PCDHA8: variants seen among roughly 807,000 people sequenced by gnomAD.
The protein encoded by PCDHA8 is protocadherin alpha 8.
A neutral mutation model predicts 61.8 loss-of-function variants in PCDHA8; 53 were observed. That is an observed-to-expected ratio of 0.86 (90% CI 0.69 to 1.08). PCDHA8 has a LOEUF of 1.08. Among genes scored for constraint, PCDHA8 ranks in the 50% least tolerant of loss-of-function variants. The pLI is 0.00. For missense variants in PCDHA8, 1,293 were observed against 1,245.0 expected, an observed-to-expected ratio of 1.04 and a Z score of -0.58; for synonymous variants, 618 against 556.6, an observed-to-expected ratio of 1.11 and a Z score of -1.55.
chr5:140,920,133 C>A (rs1463322279), intron 1 of PCDHA8, among the ~76,000 whole-genome samples: 7 of 152,178 alleles, frequency 4.6e-5, no homozygotes, highest in African/African-American at 1.4e-4. Flanking sequence ...AGTTTTAATT[C>A]TCCTCTCCAA....
chr5:141,009,942 C>T lies in PCDHA8; in HGVS notation c.*5C>T, dbSNP rs782819309. The T allele has an allele frequency of 6.3e-7, 1 of 1,597,438 alleles. No individual in the cohort carries two copies. The highest frequency in any genetic ancestry group is 1.1e-5 in the South Asian group (1 of 87,840). ...ACTGACAACAGTGACCAGTGAGGTCCTCAAATGGAAACAAGCCACTTAGCC... is the reference window on the plus strand; with the variant it reads ...ACTGACAACAGTGACCAGTGAGGTCTTCAAATGGAAACAAGCCACTTAGCC... On this transcript the variant is annotated 3_prime_UTR_variant, in exon 4 of 4. Coordinates refer to ENST00000531613, the MANE Select transcript of PCDHA8 (RefSeq NM_018911.3).
At chr5:140,968,626 T>C in intron 1 of PCDHA8, 1 of 1,614,156 alleles carries the variant, frequency 6.2e-7, no homozygotes. Context: ...ATGCTTGGCT[T>C]TTTTACCATC....
At chr5:140,984,783 G>A (rs2097120793) in intron 3 of PCDHA8, among the ~76,000 whole-genome samples, 1 of 152,152 alleles carries the variant, frequency 6.6e-6, no homozygotes, top group African/African-American at 2.4e-5. Flanking sequence ...CTTGCTGGGT[G>A]AGCATAGACA....
intron 1 of PCDHA8, chr5:140,869,653 A>G: frequency 6.2e-7 from 1 of 1,613,586 alleles, no homozygotes. Flanking sequence ...AGATTCACCA[A>G]CAAATGGTAA....
chr5:140,969,385 C>T, intron 1 of PCDHA8: 1 of 1,598,120 alleles, frequency 6.3e-7, no homozygotes, highest in Non-Finnish European at 8.5e-7. Flanking sequence ...TTACACATCC[C>T]CCAATATCCT....
chr5:140,984,658 A>G (rs1421972508), intron 3 of PCDHA8, among the ~76,000 whole-genome samples: 1 of 152,146 alleles, frequency 6.6e-6, no homozygotes, highest in Non-Finnish European at 1.5e-5. Flanking sequence ...TCCTTCTGGT[A>G]CTTTTAGGTT....
intron 1 of PCDHA8, among the ~76,000 whole-genome samples, chr5:140,924,932 AAAAT>A (rs2082199458): frequency 7.6e-6 from 1 of 131,842 alleles, no homozygotes; most frequent in East Asian, 2.6e-4. Flanking sequence ...AAAATAAAAT[AAAAT>A]AAAAAGTTAA....
Position 140,843,344 on chromosome 5 carries a change from G to T in PCDHA8, c.2023G>T (p.Ala675Ser). Residue 675 changes from alanine (A) to serine (S), a missense_variant, in exon 1 of 4, where the codon GCT becomes TCT. Ala to Ser is a moderately conservative substitution (Grantham distance 99, BLOSUM62 1). Transcript: ENST00000531613. ...GGTGTCGCTGGTGGAGAGCGGCCAG[G>T]CTCCAAAAGCGTCATCGAGGCAGTC... ...VLVSLVESGQAPKASSRQSAG... is the reference protein window; with the variant it reads ...VLVSLVESGQSPKASSRQSAG... The T allele has an allele frequency of 6.3e-7, 1 of 1,596,078 alleles. No homozygotes were observed. Among genetic ancestry groups the T allele is most frequent in the Non-Finnish European group, 8.6e-7 (1 of 1,165,600 alleles).
At chr5:140,865,535 T>C (rs2048909108) in intron 1 of PCDHA8, 3 of 152,192 alleles carry the variant, frequency 2.0e-5, no homozygotes, top group South Asian at 2.1e-4. Context: ...TCTTCATCCA[T>C]AGCTATAGGA....
chr5:140,870,133 G>A, intron 1 of PCDHA8: 1 of 1,613,974 alleles, frequency 6.2e-7, no homozygotes, highest in African/African-American at 1.3e-5. Context: ...GGACACCAAC[G>A]ATAACTCTCC....
In PCDHA8 at chr5:141,005,428, G is replaced by T. The variant is rs907211430; in HGVS notation, c.2543-4199G>T. On this transcript the variant is annotated intron_variant, in intron 3 of 3. Transcript: ENST00000531613. ...AGAGTGAGGAGTCATGCTAAGAATG[G>T]ATGAGAGGCTCACGCCTGTAATCCC... Among the ~76,000 whole-genome samples, 21 of 152,154 alleles carry T rather than the reference G, an allele frequency of 1.4e-4. 1 individual carries two copies. The highest frequency in any genetic ancestry group is 1.2e-3 in the Admixed American group (19 of 15,266).
In PCDHA8 at chr5:140,842,015, G is replaced by C; in HGVS notation, c.694G>C (p.Val232Leu). ...LTGTVQLLVT[V>L]LDVNDNAPTF... ...AGGCACTGTTCAGCTGCTGGTCACA[G>C]TGCTGGATGTGAATGATAATGCTCC... The change falls in exon 1 of 4, where the codon GTG (valine) becomes CTG (leucine). Residue 232 changes from valine (V) to leucine (L), a missense_variant. By Grantham distance (32) the Val-to-Leu change is conservative (BLOSUM62 1). Coordinates refer to ENST00000531613, the MANE Select transcript of PCDHA8 (RefSeq NM_018911.3). 1 of 1,613,814 alleles carries C rather than the reference G, an allele frequency of 6.2e-7. No individual in the cohort carries two copies. The highest frequency in any genetic ancestry group is 2.2e-5 in the East Asian group (1 of 44,886).
intron 3 of PCDHA8, among the ~76,000 whole-genome samples, chr5:140,991,246 AT>A (rs1239917412): frequency 6.6e-6 from 1 of 152,206 alleles, no homozygotes; most frequent in African/African-American, 2.4e-5. Context: ...TAAAGGCAGT[AT>A]TTGAACTCAT....
At chr5:140,993,462 TCACACACA>T (rs3836747) in intron 3 of PCDHA8, among the ~76,000 whole-genome samples, 8,792 of 140,974 alleles carry the variant, frequency 0.062, 316 homozygotes, top group South Asian at 0.11. Flanking sequence ...TCTTTCTTTC[TCACACACA>T]CACACACACA....
intron 1 of PCDHA8, among the ~76,000 whole-genome samples, chr5:140,945,113 T>C (rs1359604882): frequency 2.6e-5 from 4 of 152,084 alleles, no homozygotes; most frequent in African/African-American, 4.8e-5. Flanking sequence ...AGTTGAAAGA[T>C]AAAAAATCAA....
At chr5:140,918,051 A>C (rs782531005) in intron 1 of PCDHA8, among the ~76,000 whole-genome samples, 4 of 151,984 alleles carry the variant, frequency 2.6e-5, no homozygotes, top group Admixed American at 2.0e-4. Flanking sequence ...CATTTGTTTT[A>C]TCATCTCTGA....
At chr5:140,982,607 G>T (rs868934947) in intron 3 of PCDHA8, 44 bp downstream of exon 3, 2 of 1,601,622 alleles carry the variant, frequency 1.2e-6, no homozygotes, top group South Asian at 1.1e-5. Flanking sequence ...TTTCTGGAAA[G>T]TGATCAGATG....
chr5:140,999,091 T>G (rs1342614556), intron 3 of PCDHA8, among the ~76,000 whole-genome samples: 1 of 152,208 alleles, frequency 6.6e-6, no homozygotes, highest in South Asian at 2.1e-4. Flanking sequence ...TTCAGAGGGC[T>G]ATGGAGAGTA....
At chr5:140,876,653 C>G in intron 1 of PCDHA8, 1 of 1,614,200 alleles carries the variant, frequency 6.2e-7, no homozygotes, top group Non-Finnish European at 8.5e-7. Flanking sequence ...CCTCATGTTC[C>G]CTTCAAGCTG....
Sources: allele counts gnomAD v4.1 joint callset (sites outside exome capture counted in the v4.1 genomes callset), GRCh38; gene constraint gnomAD v4.1.1; transcripts MANE v1.5; gene names NCBI Gene and HGNC (gene_info 2026-07-23, HGNC 2026-07-21).